Variants in TENT2 observed in about 807,000 individuals in gnomAD.
The protein encoded by TENT2 is terminal nucleotidyltransferase 2, also known as poly(A) RNA polymerase GLD2.
TENT2 carries 44 observed loss-of-function variants against 72.2 expected under a neutral mutation model. That is an observed-to-expected ratio of 0.61 (90% CI 0.48 to 0.78). TENT2 has a LOEUF of 0.78. Among genes scored for constraint, TENT2 ranks in the 30% least tolerant of loss-of-function variants. TENT2 has a pLI of 0.00. For synonymous variants in TENT2, 212 were observed against 192.5 expected (o/e 1.10, Z -0.84); for missense variants, 541 against 569.6 (o/e 0.95, Z 0.51).
intron 4 of TENT2, among the ~76,000 whole-genome samples, chr5:79,629,696 G>A (rs866998167): frequency 6.6e-5 from 10 of 152,070 alleles, no homozygotes; most frequent in Middle Eastern, 3.4e-3. Flanking sequence ...GCGTGGTGGC[G>A]GGTGCCTGTA....
chr5:79,663,995 A>G (rs1295422140), intron 11 of TENT2, among the ~76,000 whole-genome samples: 1 of 152,214 alleles, frequency 6.6e-6, no homozygotes, highest in East Asian at 1.9e-4. Flanking sequence ...AAATAAAAAT[A>G]CAACAATAAA....
chr5:79,653,322 C>T (rs903798091), intron 10 of TENT2, among the ~76,000 whole-genome samples: 1 of 151,696 alleles, frequency 6.6e-6, no homozygotes, highest in Non-Finnish European at 1.5e-5. Flanking sequence ...CCTCCATCTA[C>T]AAAAATAAAA....
chr5:79,659,330 A>G (rs983406498), intron 11 of TENT2, among the ~76,000 whole-genome samples: 1 of 150,972 alleles, frequency 6.6e-6, no homozygotes, highest in Admixed American at 6.6e-5. Flanking sequence ...GTCAGGAGTT[A>G]AAGACCAGCC....
At chr5:79,669,658 T>G (rs972204517) in intron 12 of TENT2, among the ~76,000 whole-genome samples, 1 of 151,970 alleles carries the variant, frequency 6.6e-6, no homozygotes. Context: ...GAGAGAAGAT[T>G]GAGGAATTGT....
At chr5:79,668,356 A>G (rs1403412608) in intron 11 of TENT2, among the ~76,000 whole-genome samples, 2 of 152,004 alleles carry the variant, frequency 1.3e-5, no homozygotes, top group Admixed American at 6.6e-5. Flanking sequence ...CTTCTTTTCC[A>G]TCTAAGATAC....
At chr5:79,622,851 A>T (rs1314862790) in intron 3 of TENT2, among the ~76,000 whole-genome samples, 1 of 152,178 alleles carries the variant, frequency 6.6e-6, no homozygotes, top group Non-Finnish European at 1.5e-5. Context: ...ACATAGGTGT[A>T]TTCAAAGAGC....
intron 14 of TENT2, among the ~76,000 whole-genome samples, chr5:79,684,026 A>G (rs890419347): frequency 1.6e-4 from 24 of 152,056 alleles, no homozygotes; most frequent in Non-Finnish European, 2.9e-4. Flanking sequence ...AGAACTCAAA[A>G]TTAGCAATGC....
At chr5:79,617,598 G>A (rs1364709784) in intron 1 of TENT2, 1 of 151,994 alleles carries the variant, frequency 6.6e-6, no homozygotes, top group African/African-American at 2.4e-5. Context: ...CTGTCATCTC[G>A]GGTAATTTAC....
chr5:79,642,551 A>AG (rs1785319225), intron 6 of TENT2, among the ~76,000 whole-genome samples: 1 of 152,100 alleles, frequency 6.6e-6, no homozygotes, highest in South Asian at 2.1e-4. Context: ...TTTATGCTGA[A>AG]GGGGAAAATG....
intron 10 of TENT2, among the ~76,000 whole-genome samples, chr5:79,656,072 A>G (rs1333083329): frequency 6.6e-6 from 1 of 151,984 alleles, no homozygotes; most frequent in Non-Finnish European, 1.5e-5. Flanking sequence ...TACATAGTGT[A>G]TTCCTAATTC....
intron 11 of TENT2, among the ~76,000 whole-genome samples, chr5:79,664,884 T>C (rs929264202): frequency 6.6e-6 from 1 of 152,182 alleles, no homozygotes; most frequent in African/African-American, 2.4e-5. Context: ...GTAACTTGAT[T>C]AAATGCCTGC....
chr5:79,676,035 A>T (rs1307286275), intron 12 of TENT2, among the ~76,000 whole-genome samples: 1 of 152,012 alleles, frequency 6.6e-6, no homozygotes, highest in Non-Finnish European at 1.5e-5. Flanking sequence ...CCTACCTACG[A>T]CATTTGAAAT....
chr5:79,631,768 G>C (rs1390645907), intron 4 of TENT2, among the ~76,000 whole-genome samples: 1 of 152,152 alleles, frequency 6.6e-6, no homozygotes, highest in Non-Finnish European at 1.5e-5. Flanking sequence ...TGACCACTCT[G>C]GAAAGAAAAG....
intron 4 of TENT2, among the ~76,000 whole-genome samples, chr5:79,626,673 G>T (rs1770288840): frequency 6.7e-6 from 1 of 149,070 alleles, no homozygotes; most frequent in Non-Finnish European, 1.5e-5. Flanking sequence ...TGTTACCCAG[G>T]CTGGTCTTGA....
intron 11 of TENT2, 65 bp downstream of exon 11, chr5:79,657,066 T>C: frequency 4.5e-6 from 5 of 1,121,634 alleles, no homozygotes; most frequent in South Asian, 2.7e-5. Context: ...CTATTATAAG[T>C]AGTATTAATG....
intron 11 of TENT2, among the ~76,000 whole-genome samples, chr5:79,663,449 G>T (rs1291706956): frequency 6.6e-6 from 1 of 152,156 alleles, no homozygotes; most frequent in Non-Finnish European, 1.5e-5. Flanking sequence ...TGAGAGATGT[G>T]TGACTTTTCC....
intron 3 of TENT2, among the ~76,000 whole-genome samples, chr5:79,622,261 C>T (rs62364129): frequency 0.2 from 30,836 of 151,870 alleles, 4,616 homozygotes; most frequent in African/African-American, 0.42. Context: ...GAGACTGTGC[C>T]ACTGCACTCT....
intron 3 of TENT2, among the ~76,000 whole-genome samples, chr5:79,622,139 A>G (rs562835797): frequency 5.3e-4 from 80 of 152,238 alleles, no homozygotes; most frequent in African/African-American, 1.8e-3. Context: ...CATCTCGACT[A>G]AAAACACAAA....
intron 7 of TENT2, among the ~76,000 whole-genome samples, chr5:79,643,814 T>C (rs1316331524): frequency 2.0e-5 from 3 of 152,116 alleles, no homozygotes; most frequent in Admixed American, 6.6e-5. Context: ...TTTTTCTTTT[T>C]CTTTTGGTTA....
Sources: gnomAD v4.1 joint callset for allele counts (sites outside exome capture counted in the v4.1 genomes callset) on GRCh38, gnomAD v4.1.1 for gene constraint, MANE v1.5 for transcripts, NCBI Gene and HGNC (gene_info 2026-07-23, HGNC 2026-07-21) for gene names.